The following WWC2 variants were observed in gnomAD, a reference collection of about 807,000 sequenced individuals.
The protein encoded by WWC2 is WW and C2 domain containing 2.
Under a neutral mutation model 138.5 loss-of-function variants are expected in WWC2, and 101 were observed. That is an observed-to-expected ratio of 0.73 (90% confidence interval 0.62 to 0.86). WWC2 has a LOEUF of 0.86. Among genes scored for constraint, WWC2 ranks in the 40% least tolerant of loss-of-function variants. The pLI, the probability that WWC2 is intolerant of heterozygous loss-of-function variation, is 0.00. For synonymous variants in WWC2, 558 were observed against 538.4 expected, an observed-to-expected ratio of 1.04 and a Z score of -0.50; for missense variants, 1,420 against 1,419.4, an observed-to-expected ratio of 1.00 and a Z score of -0.01.
At chr4:183,119,103 A>G (rs1455271709) in intron 1 of WWC2, among the ~76,000 whole-genome samples, 1 of 151,640 alleles carries the variant, frequency 6.6e-6, no homozygotes, top group Non-Finnish European at 1.5e-5. Context: ...TTTTGATTAT[A>G]CTCCTTTGTG....
chr4:183,265,138 C>T, intron 12 of WWC2, 31 bp downstream of exon 12: 3 of 1,581,750 alleles, frequency 1.9e-6, no homozygotes, highest in Non-Finnish European at 2.6e-6. Context: ...CTTTTAGCTC[C>T]AGCGAATCTC....
intron 1 of WWC2, among the ~76,000 whole-genome samples, chr4:183,179,152 G>T (rs1432553533): frequency 6.6e-6 from 1 of 152,110 alleles, no homozygotes; most frequent in Non-Finnish European, 1.5e-5. Flanking sequence ...AGAACGATGT[G>T]CACAGTATAT....
rs190953384 is a variant in WWC2, at chr4:183,194,212, C to T, written c.241+504C>T. ...TTTTTCTGTTTCCTGATTTCTTTGTCGTTGGAAGGGAAAAACCTCTCATTT... is the reference window on the plus strand; with the variant it reads ...TTTTTCTGTTTCCTGATTTCTTTGTTGTTGGAAGGGAAAAACCTCTCATTT... On this transcript the variant is annotated intron_variant, in intron 2 of 22. Coordinates refer to ENST00000403733, the MANE Select transcript of WWC2 (RefSeq NM_024949.6). Among the ~76,000 whole-genome samples the T allele has an allele frequency of 1.5e-4, 23 of 152,248 alleles. No individual in the cohort carries two copies. The East Asian group carries it at 2.7e-3, about 18-fold the overall frequency.
intron 1 of WWC2, among the ~76,000 whole-genome samples, chr4:183,186,290 T>G (rs561569191): frequency 6.6e-6 from 1 of 152,284 alleles, no homozygotes; most frequent in South Asian, 2.1e-4. Context: ...ATACTATATC[T>G]GGATCCCAAA....
At chr4:183,125,581 A>C (rs912582698) in intron 1 of WWC2, among the ~76,000 whole-genome samples, 2 of 152,224 alleles carry the variant, frequency 1.3e-5, no homozygotes, top group African/African-American at 4.8e-5. Flanking sequence ...CTGGGTCTAA[A>C]GTTTTATAAT....
intron 1 of WWC2, among the ~76,000 whole-genome samples, chr4:183,124,303 T>A (rs1732691111): frequency 6.6e-6 from 1 of 152,024 alleles, no homozygotes; most frequent in Admixed American, 6.6e-5. Context: ...TTTTCTTTTC[T>A]ACTGTAACTG....
In WWC2 at chr4:183,320,153, A is replaced by G. The variant is rs767022633; in HGVS notation, c.*4424A>G. On this transcript the variant is annotated 3_prime_UTR_variant, in exon 23 of 23. Coordinates refer to ENST00000403733, the MANE Select transcript of WWC2 (RefSeq NM_024949.6). ...GCAGGTAGTTTGTAAGACAGGATAA[A>G]ACCCATCCCAGCAAAGATAATGAAA... 1 of 1,614,148 alleles carries G rather than the reference A, an allele frequency of 6.2e-7. No individual in the cohort carries two copies. The highest frequency in any genetic ancestry group is 1.7e-5 in the Admixed American group (1 of 60,016).
At chr4:183,205,376 G>T (rs1735420856) in intron 2 of WWC2, among the ~76,000 whole-genome samples, 1 of 152,122 alleles carries the variant, frequency 6.6e-6, no homozygotes, top group Non-Finnish European at 1.5e-5. Context: ...AGATGTGCAG[G>T]TTTATTTTTG....
At chr4:183,209,943 A>T (rs1304631975) in intron 4 of WWC2, among the ~76,000 whole-genome samples, 3 of 152,176 alleles carry the variant, frequency 2.0e-5, no homozygotes, top group Non-Finnish European at 4.4e-5. Context: ...TAGCCTCATG[A>T]GCACTGAGGG....
Position 183,245,246 on chromosome 4 carries a change from A to AG in WWC2, c.603-170_603-169insG, listed in dbSNP as rs1222983392. Among the ~76,000 whole-genome samples, 1,023 of 145,954 alleles carry AG rather than the reference A, an allele frequency of 7.0e-3. 11 individuals are homozygous for AG. Among genetic ancestry groups the AG allele is most frequent in the African/African-American group, 0.027 (978 of 36,106 alleles). On this transcript the variant is annotated intron_variant, in intron 5 of 22. Coordinates refer to ENST00000403733, the MANE Select transcript of WWC2 (RefSeq NM_024949.6). The stretch of plus-strand genomic sequence containing the variant: ...CATCTAAAAAAAAAAAAAAAAAAAA[A>AG]AAAGAGAGAGAAAGGAGGAGAAACT...
intron 1 of WWC2, among the ~76,000 whole-genome samples, chr4:183,185,880 ACATT>A (rs1734780905): frequency 6.6e-6 from 1 of 152,060 alleles, no homozygotes; most frequent in South Asian, 2.1e-4. Context: ...TACATGATAA[ACATT>A]CAGTAAGTGT....
intron 16 of WWC2, among the ~76,000 whole-genome samples, chr4:183,276,910 A>C (rs1737872249): frequency 6.6e-6 from 1 of 152,018 alleles, no homozygotes; most frequent in African/African-American, 2.4e-5. Flanking sequence ...TCTAGCTTCC[A>C]TTGATTCTGT....
At chr4:183,221,698 A>G (rs1384539059) in intron 4 of WWC2, among the ~76,000 whole-genome samples, 1 of 152,228 alleles carries the variant, frequency 6.6e-6, no homozygotes, top group East Asian at 1.9e-4. Flanking sequence ...AATATTTTGA[A>G]CTAAATAAAA....
intron 1 of WWC2, among the ~76,000 whole-genome samples, chr4:183,103,693 A>T (rs1464692352): frequency 2.8e-5 from 4 of 140,736 alleles, no homozygotes; most frequent in African/African-American, 1.1e-4. Context: ...ACTGGAGTGC[A>T]GTGGTGCCAT....
chr4:183,297,573 C>G (rs1738677663), intron 21 of WWC2, among the ~76,000 whole-genome samples: 1 of 152,020 alleles, frequency 6.6e-6, no homozygotes, highest in Admixed American at 6.5e-5. Context: ...CCACTCCCGG[C>G]TAATTTTTTT....
At chr4:183,180,070 A>G (rs1056556299) in intron 1 of WWC2, among the ~76,000 whole-genome samples, 1 of 152,196 alleles carries the variant, frequency 6.6e-6, no homozygotes, top group Non-Finnish European at 1.5e-5. Flanking sequence ...AGGACGTTGA[A>G]TCTTAGAAGA....
At chr4:183,204,922 A>ATT (rs1314992642) in intron 2 of WWC2, among the ~76,000 whole-genome samples, 1 of 152,112 alleles carries the variant, frequency 6.6e-6, no homozygotes, top group Non-Finnish European at 1.5e-5. Context: ...AGTCTTATAT[A>ATT]TTGCTGTTGA....
chr4:183,268,454 T>G (rs1877287), intron 14 of WWC2, among the ~76,000 whole-genome samples: 1 of 152,052 alleles, frequency 6.6e-6, no homozygotes, highest in Non-Finnish European at 1.5e-5. Flanking sequence ...TTCATCTGTT[T>G]TAAATTTTCT....
intron 1 of WWC2, among the ~76,000 whole-genome samples, chr4:183,170,929 C>A (rs7662965): frequency 6.6e-6 from 1 of 151,972 alleles, no homozygotes; most frequent in Non-Finnish European, 1.5e-5. Context: ...ATCCTCCTGC[C>A]TCAGTCTCCT....
Sources: gnomAD v4.1 joint callset for allele counts (sites outside exome capture counted in the v4.1 genomes callset) on GRCh38, gnomAD v4.1.1 for gene constraint, MANE v1.5 for transcripts, NCBI Gene and HGNC (gene_info 2026-07-23, HGNC 2026-07-21) for gene names.